The following IP6K1 variants were observed in gnomAD, a reference collection of about 807,000 sequenced individuals.
The protein encoded by IP6K1 is inositol hexakisphosphate kinase 1.
Under a neutral mutation model 38.3 loss-of-function variants are expected in IP6K1, and 13 were observed. The observed-to-expected ratio is 0.34, with a 90% CI of 0.22 to 0.54. IP6K1 has a LOEUF of 0.54. Ranked by LOEUF, IP6K1 falls within the 20% of genes least tolerant of loss-of-function variation. The probability of loss-of-function intolerance (pLI) is 0.92; values close to 1 mark genes in which losing one functional copy is unlikely to be tolerated. For missense variants in IP6K1, 397 were observed against 599.8 expected (o/e 0.66, Z 3.53); for synonymous variants, 212 against 229.9 (o/e 0.92, Z 0.70).
At chr3:49,731,887 C>CAAAAGAAAAAAAAAAAAAA (rs2080565037) in intron 4 of IP6K1, among the ~76,000 whole-genome samples, 1 of 65,342 alleles carries the variant, frequency 1.5e-5, no homozygotes, top group Non-Finnish European at 2.9e-5. Context: ...GACTCTGTCT[C>CAAAAGAAAAAAAAAAAAAA]AAAAAAAAAA....
chr3:49,725,936 G>A lies in IP6K1; in HGVS notation c.*1186C>T, dbSNP rs950820733. The A allele has an allele frequency of 4.6e-5, 7 of 152,232 alleles. No homozygotes were observed. The highest frequency in any genetic ancestry group is 1.7e-4 in the African/African-American group (7 of 41,446). The allele number at this position is 152,232 out of a possible 1,614,324, so 9.4% of individuals were successfully genotyped here. ...AAAAGCTCACCTCAGAAGTGGAAGT[G>A]TTCTGCTGAGGAAAGCATGAAGGAA... is the stretch of plus-strand genomic sequence containing the variant. On this transcript the variant is annotated 3_prime_UTR_variant, in exon 6 of 6. Transcript: ENST00000321599.
At chr3:49,768,375 G>C (rs186591241) in intron 1 of IP6K1, among the ~76,000 whole-genome samples, 1 of 152,314 alleles carries the variant, frequency 6.6e-6, no homozygotes, top group Non-Finnish European at 1.5e-5. Flanking sequence ...ATGAAATTCT[G>C]ATGCATGTCA....
At chr3:49,746,141 T>G (rs1426166820) in intron 2 of IP6K1, among the ~76,000 whole-genome samples, 2 of 152,098 alleles carry the variant, frequency 1.3e-5, no homozygotes, top group Non-Finnish European at 2.9e-5. Flanking sequence ...GGAAACAGTT[T>G]GGCAGTTCCT....
chr3:49,774,407 CAAAAA>C (rs777187857), intron 1 of IP6K1, among the ~76,000 whole-genome samples: 11 of 44,300 alleles, frequency 2.5e-4, no homozygotes, highest in African/African-American at 6.8e-4. Context: ...GACTCCATCT[CAAAAA>C]AAAAAAAAAA....
chr3:49,751,603 AAT>A (rs749568947), intron 1 of IP6K1, among the ~76,000 whole-genome samples: 7 of 152,142 alleles, frequency 4.6e-5, no homozygotes, highest in Non-Finnish European at 1.0e-4. Context: ...CTTCATTGCT[AAT>A]AGAGCCCCAA....
At chr3:49,766,618 C>G (rs1009659483) in intron 1 of IP6K1, among the ~76,000 whole-genome samples, 2 of 148,660 alleles carry the variant, frequency 1.3e-5, no homozygotes, top group Non-Finnish European at 3.0e-5. Flanking sequence ...GAGCCAAGAT[C>G]GTGCCATTGC....
chr3:49,775,507 C>A, intron 1 of IP6K1: 2 of 844,598 alleles, frequency 2.4e-6, no homozygotes, highest in Non-Finnish European at 3.7e-6. Flanking sequence ...AAGGAGTGCA[C>A]CATCTAGGAG....
chr3:49,773,663 T>C lies in IP6K1; in HGVS notation c.-129+12691A>G, dbSNP rs1575327026. On this transcript the variant is annotated intron_variant, in intron 1 of 5. Coordinates refer to ENST00000321599, the MANE Select transcript of IP6K1 (RefSeq NM_153273.4). ...AGATAGCCACATATTTTATAATACA[T>C]CTTCCCAAATAGAGAAGAAGCTTTT... Among the ~76,000 whole-genome samples the C allele has an allele frequency of 2.0e-5, 3 of 152,180 alleles. No individual in the cohort carries two copies. The South Asian group carries it at 6.2e-4, about 31-fold the overall frequency.
At chr3:49,766,524 T>TGTG (rs2080912532) in intron 1 of IP6K1, among the ~76,000 whole-genome samples, 1 of 149,386 alleles carries the variant, frequency 6.7e-6, no homozygotes, top group African/African-American at 2.5e-5. Flanking sequence ...ATCAGTTGGG[T>TGTG]GTGGTGGTGG....
chr3:49,766,259 G>C (rs2080910593), intron 1 of IP6K1, among the ~76,000 whole-genome samples: 2 of 152,138 alleles, frequency 1.3e-5, no homozygotes, highest in Non-Finnish European at 2.9e-5. Context: ...CAGCATCTCG[G>C]GAGTCTGGCT....
chr3:49,729,204 G>C (rs1208559576), intron 4 of IP6K1, among the ~76,000 whole-genome samples: 1 of 151,942 alleles, frequency 6.6e-6, no homozygotes, highest in African/African-American at 2.4e-5. Context: ...TACAGTATTT[G>C]TCATTTTAAA....
At chr3:49,759,945 C>A (rs190643739) in intron 1 of IP6K1, among the ~76,000 whole-genome samples, 3 of 152,286 alleles carry the variant, frequency 2.0e-5, no homozygotes, top group Non-Finnish European at 2.9e-5. Flanking sequence ...CTCTGTCACC[C>A]AGGATGGAAT....
chr3:49,739,556 A>G (rs1426661785), intron 2 of IP6K1, among the ~76,000 whole-genome samples: 1 of 151,814 alleles, frequency 6.6e-6, no homozygotes, highest in African/African-American at 2.4e-5. Context: ...GGGTTTCACC[A>G]TGTTAGCCAG....
chr3:49,747,422 T>C (rs377716255), intron 2 of IP6K1, among the ~76,000 whole-genome samples: 4 of 152,172 alleles, frequency 2.6e-5, no homozygotes, highest in South Asian at 2.1e-4. Context: ...CCAGCACATA[T>C]AGACACAGGA....
intron 1 of IP6K1, among the ~76,000 whole-genome samples, chr3:49,748,661 C>G (rs2080744998): frequency 6.6e-6 from 1 of 152,136 alleles, no homozygotes; most frequent in Non-Finnish European, 1.5e-5. Context: ...ACTGAAGGTG[C>G]CAAGGACCAG....
chr3:49,780,349 G>A (rs1381001217), intron 1 of IP6K1, among the ~76,000 whole-genome samples: 1 of 14,422 alleles, frequency 6.9e-5, no homozygotes, highest in East Asian at 8.8e-3. Flanking sequence ...CACAGTCTTA[G>A]GCTTTCCTAC....
intron 1 of IP6K1, among the ~76,000 whole-genome samples, chr3:49,749,188 A>G (rs966887934): frequency 6.6e-6 from 1 of 152,162 alleles, no homozygotes; most frequent in Non-Finnish European, 1.5e-5. Context: ...CAGGTCATGG[A>G]CCAGTACCCA....
chr3:49,760,860 C>T (rs1026997967), intron 1 of IP6K1, among the ~76,000 whole-genome samples: 5 of 152,168 alleles, frequency 3.3e-5, no homozygotes, highest in Non-Finnish European at 7.3e-5. Context: ...ATTATGTACC[C>T]TTCAATGTGC....
chr3:49,763,844 C>T (rs556989205), intron 1 of IP6K1, among the ~76,000 whole-genome samples: 17 of 151,814 alleles, frequency 1.1e-4, no homozygotes, highest in South Asian at 1.0e-3. Flanking sequence ...GGTGAAACCC[C>T]GTCTCTACTA....
Sources: allele counts gnomAD v4.1 joint callset (sites outside exome capture counted in the v4.1 genomes callset), GRCh38; gene constraint gnomAD v4.1.1; transcripts MANE v1.5; gene names NCBI Gene and HGNC (gene_info 2026-07-23, HGNC 2026-07-21).